PRKD3: variants seen among roughly 807,000 people sequenced by gnomAD.
The protein encoded by PRKD3 is serine/threonine-protein kinase D3.
A neutral mutation model predicts 99.2 loss-of-function variants in PRKD3; 47 were observed. The ratio of observed to expected loss-of-function variants is 0.47; its 90% CI spans 0.38 to 0.60. The LOEUF is 0.60. Ranked by LOEUF, PRKD3 falls within the 20% of genes least tolerant of loss-of-function variation. PRKD3 has a pLI of 0.00. For missense variants in PRKD3, 1,019 were observed against 1,088.4 expected (o/e 0.94, Z 0.90); for synonymous variants, 392 against 355.4 (o/e 1.10, Z -1.16).
chr2:37,274,237 G>A (rs1044384278), intron 11 of PRKD3, among the ~76,000 whole-genome samples, 184 bp downstream of exon 11: 1 of 152,106 alleles, frequency 6.6e-6, no homozygotes, highest in African/African-American at 2.4e-5. Flanking sequence ...TTGTATGTAC[G>A]TATATATACT....
chr2:37,271,092 T>C (rs1669230946), intron 12 of PRKD3, among the ~76,000 whole-genome samples: 2 of 152,240 alleles, frequency 1.3e-5, no homozygotes, highest in Admixed American at 1.3e-4. Flanking sequence ...CCAATCTTCA[T>C]TGCAGTCTTA....
chr2:37,320,423 C>CTT (rs35158902), intron 1 of PRKD3, among the ~76,000 whole-genome samples: 7,374 of 78,164 alleles, frequency 0.094, 1,230 homozygotes, highest in East Asian at 0.34. Flanking sequence ...AAGTTAACGA[C>CTT]TTTTTTTTTT....
rs908294378 is a variant in PRKD3 at position 37,250,561 on chromosome 2, G to C, written c.*2616C>G. 6.6e-6 allele frequency: 1 copy of C among 151,980 alleles called. No homozygotes were observed. 9.4% of individuals were successfully genotyped at this position (151,980 alleles called of 1,614,324 possible). On this transcript the variant is annotated 3_prime_UTR_variant, in exon 19 of 19. Coordinates refer to ENST00000234179, the MANE Select transcript of PRKD3 (RefSeq NM_005813.6). Reference sequence around the variant, plus strand: ...TTTTTGGCAGGTTAAAAAAAAATCAGTGTTTTTAAATATAGCATTAGTTCC... The same window carrying C: ...TTTTTGGCAGGTTAAAAAAAAATCACTGTTTTTAAATATAGCATTAGTTCC...
chr2:37,253,257 G>GT lies in PRKD3; in HGVS notation c.2592dup (p.His865ThrfsTer6). The GT allele has an allele frequency of 6.2e-7, 1 of 1,612,658 alleles. No individual in the cohort carries two copies. The highest frequency in any genetic ancestry group is 1.3e-5 in the African/African-American group (1 of 75,000). ...TATACAAGGTTATGTGTGTATGCATGTATTTCCCAGCGAGCATCATCACTT... is the reference window on the plus strand; with the variant it reads ...TATACAAGGTTATGTGTGTATGCATGTTATTTCCCAGCGAGCATCATCACTT... On this transcript the variant is annotated frameshift_variant, in exon 19 of 19. Transcript: ENST00000234179. LOFTEE classifies it high-confidence loss of function.
chr2:37,315,268 G>C (rs1346026862), intron 2 of PRKD3, among the ~76,000 whole-genome samples: 1 of 152,060 alleles, frequency 6.6e-6, no homozygotes, highest in Admixed American at 6.5e-5. Context: ...ATCAAATCGG[G>C]ATTATTAAAG....
At chr2:37,257,614 C>T (rs370808147) in intron 16 of PRKD3, among the ~76,000 whole-genome samples, 37 of 132,406 alleles carry the variant, frequency 2.8e-4, no homozygotes, top group African/African-American at 6.9e-4. Flanking sequence ...TGCAGTGAGT[C>T]GAGATTACGC....
intron 7 of PRKD3, among the ~76,000 whole-genome samples, chr2:37,281,766 C>T (rs1367393780): frequency 6.6e-6 from 1 of 152,174 alleles, no homozygotes; most frequent in Non-Finnish European, 1.5e-5. Flanking sequence ...ATTAAACTCT[C>T]CCCAAGAGAA....
At position 37,269,651 on chromosome 2, in the gene PRKD3, C is replaced by T. The variant is rs771691579; in HGVS notation, c.1741G>A (p.Val581Met). ...ATGCCAAACTGGCCTGAACCAAGCACCTCATCTGCAAAGATCTGGTAAACA... is the reference window on the plus strand; with the variant it reads ...ATGCCAAACTGGCCTGAACCAAGCATCTCATCTGCAAAGATCTGGTAAACA... ...STVYQIFADE[V>M]LGSGQFGIVY... The change falls in exon 13 of 19, where the codon GTG (valine) becomes ATG (methionine). Residue 581 changes from valine to methionine, a missense_variant. This residue lies in a region of PRKD3 where 184 missense variants were observed against 275.1 expected (regional missense o/e 0.67). Coordinates refer to ENST00000234179, the MANE Select transcript of PRKD3 (RefSeq NM_005813.6). The T allele has an allele frequency of 1.9e-6, 3 of 1,612,966 alleles. No individual in the cohort carries two copies. In the South Asian group the frequency reaches 3.3e-5, roughly 18 times the overall value.
intron 11 of PRKD3, among the ~76,000 whole-genome samples, chr2:37,273,795 G>C (rs1372254376): frequency 2.6e-5 from 4 of 152,190 alleles, no homozygotes. Context: ...GTTAATGGGG[G>C]AGAAGTGACA....
At chr2:37,268,455 G>C in intron 13 of PRKD3, 1 of 417,954 alleles carries the variant, frequency 2.4e-6, no homozygotes, top group Non-Finnish European at 4.8e-6. Context: ...ACAATACTAG[G>C]TGCTAGGAAT....
intron 8 of PRKD3, chr2:37,279,523 A>AG (rs1669736298): frequency 6.3e-6 from 2 of 316,888 alleles, no homozygotes; most frequent in Non-Finnish European, 1.1e-5. Flanking sequence ...CAAAAAACGA[A>AG]AAAAAAAAAA....
At chr2:37,278,391 T>G (rs1316504670) in intron 8 of PRKD3, 1 of 153,058 alleles carries the variant, frequency 6.5e-6, no homozygotes, top group Non-Finnish European at 1.5e-5. Context: ...CAACTATATA[T>G]ATAACTCGAA....
intron 2 of PRKD3, among the ~76,000 whole-genome samples, chr2:37,312,912 C>G (rs1388806618): frequency 6.6e-6 from 1 of 152,102 alleles, no homozygotes; most frequent in Admixed American, 6.6e-5. Context: ...TTAGCTAATT[C>G]AGTGTTCTCA....
chr2:37,285,014 TTTC>T (rs1354708418), intron 6 of PRKD3, among the ~76,000 whole-genome samples: 2 of 152,170 alleles, frequency 1.3e-5, no homozygotes, highest in African/African-American at 2.4e-5. Flanking sequence ...TAAGCAAGAA[TTTC>T]TTGTTACAAA....
At chr2:37,257,026 T>C (rs1668008309) in intron 16 of PRKD3, 97 bp from the exon 17 acceptor site, 1 of 1,273,098 alleles carries the variant, frequency 7.9e-7, no homozygotes, top group African/African-American at 1.5e-5. Context: ...TTCAACATAC[T>C]TGCCAGCTCT....
At chr2:37,286,432 G>A in intron 5 of PRKD3, 63 bp from the exon 6 acceptor site, 1 of 1,347,132 alleles carries the variant, frequency 7.4e-7, no homozygotes, top group Non-Finnish European at 1.0e-6. Context: ...TGGGAGCAGA[G>A]CTTAACCACA....
intron 16 of PRKD3, 55 bp downstream of exon 16, chr2:37,259,528 G>C (rs1572612547): frequency 7.4e-7 from 1 of 1,354,560 alleles, no homozygotes; most frequent in Non-Finnish European, 1.0e-6. Flanking sequence ...TTTATTATGT[G>C]GGTGCTTTGA....
rs1158499215 is a variant in PRKD3, at chr2:37,251,603, G to A, written c.*1574C>T. On this transcript the variant is annotated 3_prime_UTR_variant, in exon 19 of 19. Transcript: ENST00000234179. The stretch of plus-strand genomic sequence containing the variant: ...CGAAAGGCCTTCTCAGTCTGTTCAT[G>A]TACCAGAACATTCTTTTTTTTTTTT... 1.3e-5 allele frequency: 2 copies of A among 152,162 alleles called. No individual in the cohort carries two copies. Among genetic ancestry groups the A allele is most frequent in the African/African-American group, 4.8e-5 (2 of 41,340 alleles). 9.4% of individuals were successfully genotyped at this position (152,162 alleles called of 1,614,324 possible).
intron 2 of PRKD3, among the ~76,000 whole-genome samples, chr2:37,315,256 C>T (rs1430719631): frequency 6.6e-6 from 1 of 152,122 alleles, no homozygotes; most frequent in Non-Finnish European, 1.5e-5. Flanking sequence ...CTAGCCTCAT[C>T]CATCAAATCG....
Sources: allele counts gnomAD v4.1 joint callset (sites outside exome capture counted in the v4.1 genomes callset), GRCh38; gene constraint gnomAD v4.1.1; regional missense constraint gnomAD v4.1.1; transcripts MANE v1.5; gene names NCBI Gene and HGNC (gene_info 2026-07-23, HGNC 2026-07-21).